Variants in CYYR1 observed in about 807,000 individuals in gnomAD.
CYYR1 encodes the protein cysteine and tyrosine-rich protein 1.
In CYYR1, 14 loss-of-function variants were observed where a neutral mutation model predicts 15.2. The observed-to-expected ratio is 0.92, with a 90% CI of 0.61 to 1.44. The LOEUF is 1.44. Among genes scored for constraint, CYYR1 ranks in the 40% most tolerant of loss-of-function variants. The probability of loss-of-function intolerance (pLI) is 0.00; values close to 1 mark genes in which losing one functional copy is unlikely to be tolerated. For synonymous variants in CYYR1, 80 were observed against 77.4 expected, an observed-to-expected ratio of 1.03 and a Z score of -0.18; for missense variants, 228 against 209.5, an observed-to-expected ratio of 1.09 and a Z score of -0.54.
intron 2 of CYYR1, among the ~76,000 whole-genome samples, chr21:26,502,823 A>G (rs559125014): frequency 6.6e-6 from 1 of 152,260 alleles, no homozygotes; most frequent in African/African-American, 2.4e-5. Context: ...CTTATCTTTC[A>G]TACCATATGT....
chr21:26,481,023 A>G (rs1299748712), intron 2 of CYYR1, among the ~76,000 whole-genome samples: 1 of 152,156 alleles, frequency 6.6e-6, no homozygotes, highest in Non-Finnish European at 1.5e-5. Context: ...TAAAACTTCG[A>G]TTTCTACTAA....
chr21:26,518,691 T>G (rs889057614), intron 2 of CYYR1: 1 of 152,232 alleles, frequency 6.6e-6, no homozygotes, highest in Non-Finnish European at 1.5e-5. Flanking sequence ...TCATGCTACT[T>G]TTATTGATGG....
chr21:26,527,433 T>C (rs73180803), intron 2 of CYYR1, among the ~76,000 whole-genome samples: 39,931 of 152,094 alleles, frequency 0.26, 6,455 homozygotes, highest in East Asian at 0.5. Flanking sequence ...ATTTTACTTA[T>C]TGAGTGCTGT....
At chr21:26,549,343 T>A (rs1034940227) in intron 2 of CYYR1, among the ~76,000 whole-genome samples, 6 of 152,214 alleles carry the variant, frequency 3.9e-5, no homozygotes, top group Admixed American at 6.5e-5. Flanking sequence ...AATGAATTTT[T>A]AAAAATGTAT....
In CYYR1 at chr21:26,573,248, C is replaced by T. The variant is rs1981139623; in HGVS notation, c.-308G>A. 7.3e-7 allele frequency: 1 copy of T among 1,369,806 alleles called. No individual in the cohort carries two copies. The highest frequency in any genetic ancestry group is 9.5e-7 in the Non-Finnish European group (1 of 1,047,436). The allele number at this position is 1,369,806 out of a possible 1,614,324, so 84.9% of individuals were successfully genotyped here. ...CGGCCACTCCGGCGTCCTTGGCCAC[C>T]CAGGCTCACATTTCATCTCCGCGGG... On this transcript the variant is annotated 5_prime_UTR_variant, in exon 1 of 4. Coordinates refer to ENST00000652641, the MANE Select transcript of CYYR1 (RefSeq NM_001320768.2).
At chr21:26,515,617 C>T (rs9977343) in intron 2 of CYYR1, among the ~76,000 whole-genome samples, 30,839 of 152,052 alleles carry the variant, frequency 0.2, 3,460 homozygotes, top group African/African-American at 0.3. Context: ...CCATGTCAGC[C>T]TCCCTGATGT....
chr21:26,500,405 A>G (rs1185614898), intron 2 of CYYR1, among the ~76,000 whole-genome samples: 1 of 152,144 alleles, frequency 6.6e-6, no homozygotes, highest in Non-Finnish European at 1.5e-5. Flanking sequence ...TGGAAGGGCA[A>G]TGGGCCACAA....
intron 2 of CYYR1, among the ~76,000 whole-genome samples, chr21:26,558,519 A>C (rs57609356): frequency 0.22 from 33,970 of 151,532 alleles, 5,902 homozygotes; most frequent in African/African-American, 0.48. Flanking sequence ...ACTTCCCAAC[A>C]CTCCTCCCTA....
intron 2 of CYYR1, among the ~76,000 whole-genome samples, chr21:26,481,852 T>A (rs2065185863): frequency 6.6e-6 from 1 of 151,994 alleles, no homozygotes; most frequent in African/African-American, 2.4e-5. Flanking sequence ...AAAGCAAGTA[T>A]TAACAGGATA....
Position 26,559,663 on chromosome 21 carries a change from A to G in CYYR1, c.176+6603T>C, listed in dbSNP as rs574168706. On this transcript the variant is annotated intron_variant, in intron 2 of 3. Coordinates refer to ENST00000652641, the MANE Select transcript of CYYR1 (RefSeq NM_001320768.2). The stretch of plus-strand genomic sequence containing the variant: ...TGGAGTGATGAATTGATCTCATTTA[A>G]TGTTTATGCATATGGATAGCTAGTT... Among the ~76,000 whole-genome samples, 4 of 152,218 alleles carry G rather than the reference A, an allele frequency of 2.6e-5. No homozygotes were observed. The South Asian group carries it at 6.2e-4, about 24-fold the overall frequency.
chr21:26,523,874 T>G (rs2065832365), intron 2 of CYYR1, among the ~76,000 whole-genome samples: 1 of 152,046 alleles, frequency 6.6e-6, no homozygotes, highest in Admixed American at 6.6e-5. Context: ...AAGATTAGAG[T>G]AGATGGGCAT....
chr21:26,567,263 G>A (rs1980699513), intron 1 of CYYR1, among the ~76,000 whole-genome samples: 1 of 152,104 alleles, frequency 6.6e-6, no homozygotes, highest in Admixed American at 6.6e-5. Context: ...AAAGATGATT[G>A]GTTATAGGAA....
intron 2 of CYYR1, among the ~76,000 whole-genome samples, chr21:26,508,070 A>T (rs1250237599): frequency 6.6e-6 from 1 of 152,234 alleles, no homozygotes; most frequent in Non-Finnish European, 1.5e-5. Context: ...GAGACAATGT[A>T]TAAACAGAGG....
At chr21:26,522,762 C>G (rs909461416) in intron 2 of CYYR1, among the ~76,000 whole-genome samples, 1 of 151,954 alleles carries the variant, frequency 6.6e-6, no homozygotes, top group African/African-American at 2.4e-5. Context: ...AAAAACCCAA[C>G]GAAGGAAATG....
intron 3 of CYYR1, chr21:26,471,325 T>C (rs1184330525): frequency 3.3e-5 from 5 of 152,234 alleles, no homozygotes; most frequent in South Asian, 2.1e-4. Context: ...ATTCTGCAGA[T>C]TGACTCTACA....
chr21:26,467,299 T>C lies in CYYR1; in HGVS notation c.*1202A>G, dbSNP rs1341763929. Reference sequence around the variant, plus strand: ...TTAGAATTATTTATTAAATGCTTTATACATATAAAGGTAGGCACTTCATAA... The same window carrying C: ...TTAGAATTATTTATTAAATGCTTTACACATATAAAGGTAGGCACTTCATAA... On this transcript the variant is annotated 3_prime_UTR_variant, in exon 4 of 4. Transcript: ENST00000652641. The C allele has an allele frequency of 6.6e-6, 1 of 152,174 alleles. No individual in the cohort carries two copies. Among genetic ancestry groups the C allele is most frequent in the Non-Finnish European group, 1.5e-5 (1 of 68,016 alleles). The allele number at this position is 152,174 out of a possible 1,614,324, so 9.4% of individuals were successfully genotyped here. A position where few individuals can be genotyped will look rare whatever the true frequency, so the allele number is the denominator to read the frequency against.
intron 2 of CYYR1, chr21:26,518,428 TC>T (rs2065761665): frequency 1.3e-5 from 2 of 152,236 alleles, no homozygotes; most frequent in Non-Finnish European, 2.9e-5. Context: ...AGTGGTGAGC[TC>T]TTGATAAAAG....
intron 3 of CYYR1, chr21:26,477,540 C>G (rs1470852958): frequency 3.5e-6 from 1 of 283,552 alleles, no homozygotes; most frequent in African/African-American, 2.3e-5. Flanking sequence ...ATTGAAATTT[C>G]AAACCCAAGA....
chr21:26,478,104 G>A (rs1434151104), intron 3 of CYYR1: 2 of 1,549,620 alleles, frequency 1.3e-6, no homozygotes, highest in Non-Finnish European at 1.7e-6. Context: ...GAACAAAATA[G>A]ACCAAGATCT....
Sources: allele counts gnomAD v4.1 joint callset (sites outside exome capture counted in the v4.1 genomes callset), GRCh38; gene constraint gnomAD v4.1.1; transcripts MANE v1.5; gene names NCBI Gene and HGNC (gene_info 2026-07-23, HGNC 2026-07-21).